Variants in C4orf50 observed in about 807,000 individuals in gnomAD.
C4orf50 encodes the protein chromosome 4 open reading frame 50.
In C4orf50, 80 loss-of-function variants were observed where a neutral mutation model predicts 77.2. The observed-to-expected ratio is 1.04, with a 90% confidence interval of 0.87 to 1.25. C4orf50 has a LOEUF of 1.25. Among genes scored for constraint, C4orf50 ranks in the 50% most tolerant of loss-of-function variants. The pLI is 0.00. For missense variants in C4orf50, 1,257 were observed against 1,152.9 expected, an observed-to-expected ratio of 1.09 and a Z score of -1.31; for synonymous variants, 532 against 465.3, an observed-to-expected ratio of 1.14 and a Z score of -1.84.
rs188676798 is a variant in C4orf50 at position 5,950,026 on chromosome 4, T to C, written c.*2474+6875A>G. 6.3e-3 allele frequency among the ~76,000 whole-genome samples: 916 copies of C among 146,110 alleles called. 18 individuals are homozygous for C. The highest frequency in any genetic ancestry group is 0.021 in the African/African-American group (850 of 40,178). On this transcript the variant is annotated intron_variant, in intron 7 of 7. Transcript: ENST00000324058. ...AAAAAAGGTTAAAATGTAAATAAAATGCAAATTTTATAGGTTGGTGCAAAA... is the reference window on the plus strand; with the variant it reads ...AAAAAAGGTTAAAATGTAAATAAAACGCAAATTTTATAGGTTGGTGCAAAA...
At chr4:5,994,381 C>A in exon 26 of C4orf50, 1 of 399,304 alleles carries the variant, frequency 2.5e-6, no homozygotes, top group Non-Finnish European at 4.4e-6. Context: ...CATCATTGGA[C>A]CGCAGGGAGT....
exon 29 of C4orf50, chr4:5,980,289 G>T (rs1224548815): frequency 3.7e-6 from 6 of 1,612,662 alleles, no homozygotes; most frequent in Middle Eastern, 1.6e-4. Flanking sequence ...GAGCTGCTGG[G>T]CCCGCAGCCT....
rs1304275703 is a variant in C4orf50 at position 5,919,874 on chromosome 4, G to A, written c.*2475-21686C>T. Among the ~76,000 whole-genome samples, 1 of 152,124 alleles carries A rather than the reference G, an allele frequency of 6.6e-6. No individual in the cohort carries two copies. Among genetic ancestry groups the A allele is most frequent in the East Asian group, 1.9e-4 (1 of 5,188 alleles). Reference sequence around the variant, plus strand: ...CACAGGTGGCCCTCCCTATCCATGGGTTCCACATCCATCGATTCAACCAAC... The same window carrying A: ...CACAGGTGGCCCTCCCTATCCATGGATTCCACATCCATCGATTCAACCAAC... On this transcript the variant is annotated intron_variant, in intron 7 of 7. Coordinates refer to the C4orf50 transcript ENST00000324058. The surrounding 1 kb of genome is among the most constrained non-coding windows in gnomAD (Gnocchi z 6.5).
chr4:5,962,661 G>A (rs1719335855), intron 33 of C4orf50, among the ~76,000 whole-genome samples: 1 of 152,250 alleles, frequency 6.6e-6, no homozygotes, highest in Non-Finnish European at 1.5e-5. Context: ...CTGGTTGGAA[G>A]CCCAGCTCTG....
intron 7 of C4orf50, among the ~76,000 whole-genome samples, chr4:5,930,298 T>A (rs544779247): frequency 6.6e-6 from 1 of 152,216 alleles, no homozygotes; most frequent in Non-Finnish European, 1.5e-5. Context: ...AGAGGTAACA[T>A]TACCTACTGA....
chr4:6,011,774 T>C lies in C4orf50; in HGVS notation c.426+56A>G, dbSNP rs1255384840. The C allele has an allele frequency of 2.5e-6, 1 of 398,928 alleles. No individual in the cohort carries two copies. The highest frequency in any genetic ancestry group is 3.6e-5 in the East Asian group (1 of 28,052). 24.7% of individuals were successfully genotyped at this position (398,928 alleles called of 1,614,324 possible). A position where few individuals can be genotyped will look rare whatever the true frequency, so the allele number is the denominator to read the frequency against. On this transcript the variant is annotated intron_variant, in intron 24 of 33. Coordinates refer to ENST00000531445, the Ensembl canonical transcript of C4orf50. This position sits in a 1 kb window ranked among gnomAD's most constrained non-coding sequence, Gnocchi z 4.2. ...TTGCCCAACTGCAGCTGCTGCTGAG[T>C]TCCCACGGCTCTGCTGGACAGGAAA... is the stretch of plus-strand genomic sequence containing the variant.
intron 31 of C4orf50, among the ~76,000 whole-genome samples, chr4:5,971,126 TC>T (rs1422234634): frequency 1.3e-5 from 2 of 152,170 alleles, no homozygotes; most frequent in East Asian, 3.9e-4. Flanking sequence ...CCAGGACCTG[TC>T]CCTTGCTGCT....
intron 26 of C4orf50, among the ~76,000 whole-genome samples, chr4:5,993,139 T>C (rs1721386512): frequency 6.6e-6 from 1 of 151,016 alleles, no homozygotes; most frequent in African/African-American, 2.4e-5. Flanking sequence ...CAACAGCAGG[T>C]GGGCAGAGAC....
chr4:5,912,662 G>A (rs940920368), intron 7 of C4orf50, among the ~76,000 whole-genome samples: 1 of 152,156 alleles, frequency 6.6e-6, no homozygotes, highest in Admixed American at 6.5e-5. Context: ...CTAGAGGAAG[G>A]GGCATGCCAC....
chr4:5,925,408 C>T (rs914317504), intron 7 of C4orf50, among the ~76,000 whole-genome samples: 2 of 152,144 alleles, frequency 1.3e-5, no homozygotes, highest in African/African-American at 2.4e-5. Context: ...AACTGGTGAC[C>T]GTACATTCCG....
chr4:5,992,548 C>T lies in C4orf50; in HGVS notation c.1221+255G>A, dbSNP rs188528059. 1.3e-5 allele frequency among the ~76,000 whole-genome samples: 2 copies of T among 152,234 alleles called. No homozygotes were observed. The highest frequency in any genetic ancestry group is 1.9e-4 in the East Asian group (1 of 5,170). On this transcript the variant is annotated intron_variant, in intron 27 of 33. Transcript: ENST00000531445. This position sits in a 1 kb window ranked among gnomAD's most constrained non-coding sequence, Gnocchi z 5.0. ...CCTCGTGGGTGTCAGGAGGTGTCAA[C>T]GAGATGAAGCCTGTTCCGTGGAAGC... is the stretch of plus-strand genomic sequence containing the variant.
In C4orf50 at chr4:5,935,418, T is replaced by C. The variant is rs182509309; in HGVS notation, c.*2474+21483A>G. ...GATGTAACCATAGCCCTATATCTCA[T>C]GGGAATTTGGGGTTGAACTCCCTTG... On this transcript the variant is annotated intron_variant, in intron 7 of 7. Coordinates refer to the C4orf50 transcript ENST00000324058. Among the ~76,000 whole-genome samples the C allele has an allele frequency of 1.1e-4, 17 of 152,284 alleles. 1 individual carries two copies. Among genetic ancestry groups the C allele is most frequent in the African/African-American group, 4.1e-4 (17 of 41,540 alleles).
chr4:6,004,235 A>ATGATGG (rs1560598851), intron 25 of C4orf50, among the ~76,000 whole-genome samples: 2 of 26,608 alleles, frequency 7.5e-5, no homozygotes, highest in African/African-American at 1.4e-4. Context: ...TGTGATGGTG[A>ATGATGG]TGATGATGGT....
exon 28 of C4orf50, chr4:5,990,006 C>T: frequency 7.2e-7 from 1 of 1,398,204 alleles, no homozygotes; most frequent in Non-Finnish European, 9.2e-7. Flanking sequence ...TTGGCCATGG[C>T]TCTTTGGTCT....
intron 7 of C4orf50, among the ~76,000 whole-genome samples, chr4:5,914,494 G>A (rs543983841): frequency 1.4e-4 from 21 of 152,170 alleles, no homozygotes; most frequent in East Asian, 1.4e-3. Flanking sequence ...GTGAGCCACC[G>A]CGCCTGGCCT....
chr4:5,905,816 A>G lies in C4orf50; in HGVS notation c.*2475-7628T>C, dbSNP rs1716524873. Among the ~76,000 whole-genome samples the G allele has an allele frequency of 6.6e-6, 1 of 152,182 alleles. No individual in the cohort carries two copies. Among genetic ancestry groups the G allele is most frequent in the Admixed American group, 6.5e-5 (1 of 15,284 alleles). ...AGAAGGTTGAGAACAACTGAAGAAGAAAGACAAACTGGGGTGCTCTGGGAT... is the reference window on the plus strand; with the variant it reads ...AGAAGGTTGAGAACAACTGAAGAAGGAAGACAAACTGGGGTGCTCTGGGAT... On this transcript the variant is annotated intron_variant, in intron 7 of 7. Transcript: ENST00000324058. This position sits in a 1 kb window ranked among gnomAD's most constrained non-coding sequence, Gnocchi z 5.4.
intron 7 of C4orf50, among the ~76,000 whole-genome samples, chr4:5,920,756 G>A (rs894728264): frequency 1.3e-5 from 2 of 152,172 alleles, no homozygotes; most frequent in African/African-American, 4.8e-5. Context: ...GATTACAGGC[G>A]TGAGCCACAG....
intron 29 of C4orf50, among the ~76,000 whole-genome samples, chr4:5,976,668 A>T (rs1720305798): frequency 6.6e-6 from 1 of 152,186 alleles, no homozygotes; most frequent in Admixed American, 6.5e-5. Context: ...TCTCTGCCTC[A>T]GTCTTCTCAT....
intron 28 of C4orf50, among the ~76,000 whole-genome samples, chr4:5,983,113 C>G (rs886584414): frequency 2.6e-5 from 4 of 152,220 alleles, no homozygotes; most frequent in African/African-American, 9.6e-5. Context: ...CTTTTCACTG[C>G]AAATTCCTCA....
Sources: allele counts gnomAD v4.1 joint callset (sites outside exome capture counted in the v4.1 genomes callset), GRCh38; gene constraint gnomAD v4.1.1; non-coding constraint Gnocchi (gnomAD v3.1); transcripts MANE v1.5; gene names NCBI Gene and HGNC (gene_info 2026-07-23, HGNC 2026-07-21).